CPT1A: variants seen among roughly 807,000 people sequenced by gnomAD.
The protein encoded by CPT1A is carnitine O-palmitoyltransferase 1, liver isoform.
A neutral mutation model predicts 100.8 loss-of-function variants in CPT1A; 64 were observed. The ratio of observed to expected loss-of-function variants is 0.63; its 90% CI spans 0.52 to 0.78. The LOEUF (loss-of-function observed/expected upper bound fraction) is 0.78, where lower values mean the gene tolerates loss of function less well. Among genes scored for constraint, CPT1A ranks in the 30% least tolerant of loss-of-function variants. CPT1A has a pLI of 0.00. For synonymous variants in CPT1A, 363 were observed against 396.0 expected (o/e 0.92, Z 0.99); for missense variants, 802 against 1,034.1 (o/e 0.78, Z 3.08).
intron 14 of CPT1A, among the ~76,000 whole-genome samples, chr11:68,766,548 C>T (rs543391865): frequency 1.7e-4 from 26 of 152,092 alleles, no homozygotes; most frequent in African/African-American, 6.3e-4. Flanking sequence ...TGCAGTGGTG[C>T]GATCTCAGCT....
chr11:68,839,842 G>C (rs1857117627), intron 1 of CPT1A, among the ~76,000 whole-genome samples: 1 of 152,200 alleles, frequency 6.6e-6, no homozygotes, highest in South Asian at 2.1e-4. Context: ...GGGGCCAAAC[G>C]CAGCAGCCGC....
At chr11:68,788,796 C>T (rs1168081412) in intron 9 of CPT1A, among the ~76,000 whole-genome samples, 2 of 152,088 alleles carry the variant, frequency 1.3e-5, no homozygotes, top group African/African-American at 2.4e-5. Flanking sequence ...TTAAAAGTTG[C>T]TAACCCTTTT....
At chr11:68,816,356 G>A (rs1428535450) in intron 1 of CPT1A, among the ~76,000 whole-genome samples, 1 of 152,196 alleles carries the variant, frequency 6.6e-6, no homozygotes, top group Non-Finnish European at 1.5e-5. Context: ...TCCACAGACG[G>A]AGCGGGCCTT....
chr11:68,817,121 GGTGA>G (rs375840142), intron 1 of CPT1A, among the ~76,000 whole-genome samples: 59 of 122,330 alleles, frequency 4.8e-4, no homozygotes, highest in African/African-American at 1.7e-3. Flanking sequence ...GTGGGTGTGT[GGTGA>G]TGTGTGGTTG....
At position 68,784,865 on chromosome 11, in the gene CPT1A, C is replaced by T. The variant is rs756237590; in HGVS notation, c.1113G>A (p.Ser371=). Reference sequence around the variant, plus strand: ...GCCTGGCCTCCCCGGGCTGAGGCTCCGAGGTATTGTCCAGGATCCTCTGCA... The same window carrying T: ...GCCTGGCCTCCCCGGGCTGAGGCTCTGAGGTATTGTCCAGGATCCTCTGCA... ...QQMQRILDNT[S]EPQPGEARLA... Residue 371 remains serine (S), a synonymous_variant, in exon 10 of 19, where the codon TCG becomes TCA. Transcript: ENST00000265641. 1.5e-5 allele frequency: 24 copies of T among 1,613,524 alleles called. No homozygotes were observed. Among genetic ancestry groups the T allele is most frequent in the Middle Eastern group, 1.6e-4 (1 of 6,084 alleles).
chr11:68,794,716 CTG>C, intron 8 of CPT1A, 86 bp downstream of exon 8: 1 of 1,187,308 alleles, frequency 8.4e-7, no homozygotes, highest in Non-Finnish European at 1.2e-6. Flanking sequence ...CGGCCACAAA[CTG>C]TATATTTTAA....
At chr11:68,773,789 A>G (rs528056908) in intron 13 of CPT1A, 1 of 323,278 alleles carries the variant, frequency 3.1e-6, no homozygotes, top group South Asian at 2.7e-5. Context: ...CTCTCAGTAG[A>G]TAGAAATGGA....
intron 3 of CPT1A, 79 bp downstream of exon 3, chr11:68,812,358 A>G: frequency 1.3e-6 from 2 of 1,555,640 alleles, no homozygotes; most frequent in East Asian, 2.2e-5. Context: ...AGTGACAATC[A>G]TCACATTTGA....
intron 10 of CPT1A, 50 bp downstream of exon 10, chr11:68,784,765 G>A (rs553078657): frequency 1.9e-6 from 3 of 1,557,362 alleles, no homozygotes; most frequent in South Asian, 2.2e-5. Context: ...CAGTGAGGAA[G>A]AGCGCCTCCA....
At chr11:68,765,529 G>T (rs1854774413) in intron 14 of CPT1A, among the ~76,000 whole-genome samples, 1 of 152,144 alleles carries the variant, frequency 6.6e-6, no homozygotes, top group Admixed American at 6.6e-5. Flanking sequence ...ACAGTCTATA[G>T]ATATACTGAC....
intron 1 of CPT1A, among the ~76,000 whole-genome samples, chr11:68,829,416 C>A (rs777278865): frequency 6.6e-6 from 1 of 152,060 alleles, no homozygotes; most frequent in Non-Finnish European, 1.5e-5. Flanking sequence ...AGGTGGTGTC[C>A]CGGGGGACAA....
intron 1 of CPT1A, among the ~76,000 whole-genome samples, chr11:68,840,574 G>A (rs1391751485): frequency 1.3e-5 from 2 of 152,222 alleles, no homozygotes; most frequent in African/African-American, 2.4e-5. Flanking sequence ...AGCCTGTGCC[G>A]AGTTGGGAAT....
intron 1 of CPT1A, among the ~76,000 whole-genome samples, chr11:68,825,153 C>A (rs755179282): frequency 1.3e-5 from 2 of 151,956 alleles, no homozygotes; most frequent in Non-Finnish European, 2.9e-5. Flanking sequence ...AATGGAGGGA[C>A]GGGTAGGAAG....
At position 68,754,927 on chromosome 11, in the gene CPT1A, T is replaced by A. The variant is rs1394129870; in HGVS notation, c.*2717A>T. 1.3e-6 allele frequency: 1 copy of A among 759,602 alleles called. No homozygotes were observed. The highest frequency in any genetic ancestry group is 2.5e-6 in the Non-Finnish European group (1 of 403,038). The allele number at this position is 759,602 out of a possible 1,614,324, so 47.1% of individuals were successfully genotyped here. On this transcript the variant is annotated 3_prime_UTR_variant, in exon 19 of 19. Transcript: ENST00000265641. ...ATGTTTTATTAATGATAACCTACAT[T>A]CACACTGCATTTCTAAGATTTACAT...
At chr11:68,785,942 G>A (rs1234957956) in intron 9 of CPT1A, 4 of 692,954 alleles carry the variant, frequency 5.8e-6, no homozygotes, top group Non-Finnish European at 1.1e-5. Flanking sequence ...TCACAGAAAT[G>A]TGATGAAGTA....
At chr11:68,782,600 T>C (rs2924685) in intron 10 of CPT1A, among the ~76,000 whole-genome samples, 12,286 of 152,218 alleles carry the variant, frequency 0.081, 714 homozygotes, top group African/African-American at 0.15. Flanking sequence ...ACTGGTGTGA[T>C]GCCCACTTCC....
At chr11:68,778,476 C>T (rs889833312) in intron 12 of CPT1A, among the ~76,000 whole-genome samples, 1 of 152,118 alleles carries the variant, frequency 6.6e-6, no homozygotes, top group Non-Finnish European at 1.5e-5. Context: ...GTGGCTCATG[C>T]CATAATCCCA....
At chr11:68,839,449 G>C in intron 1 of CPT1A, 1 of 943,972 alleles carries the variant, frequency 1.1e-6, no homozygotes, top group Non-Finnish European at 1.3e-6. Flanking sequence ...CGTCCCAGGC[G>C]CTCGGATCCT....
intron 4 of CPT1A, among the ~76,000 whole-genome samples, chr11:68,805,519 C>T (rs1406561613): frequency 6.6e-6 from 1 of 151,976 alleles, no homozygotes; most frequent in Non-Finnish European, 1.5e-5. Context: ...CAGTGACTCC[C>T]ATGCTTCTCT....
Sources: gnomAD v4.1 joint callset for allele counts (sites outside exome capture counted in the v4.1 genomes callset) on GRCh38, gnomAD v4.1.1 for gene constraint, MANE v1.5 for transcripts, NCBI Gene and HGNC (gene_info 2026-07-23, HGNC 2026-07-21) for gene names.